Variants in FARP2 observed in about 807,000 individuals in gnomAD.
FARP2 encodes FERM, ARHGEF and pleckstrin domain-containing protein 2.
FARP2 carries 111 observed loss-of-function variants against 130.5 expected under a neutral mutation model. The ratio of observed to expected loss-of-function variants is 0.85; its 90% confidence interval spans 0.73 to 1.00. The LOEUF (loss-of-function observed/expected upper bound fraction) is 1.00, where lower values mean the gene tolerates loss of function less well. Among genes scored for constraint, FARP2 ranks in the 50% least tolerant of loss-of-function variants. The pLI is 0.00. For synonymous variants in FARP2, 504 were observed against 516.9 expected, an observed-to-expected ratio of 0.98 and a Z score of 0.34; for missense variants, 1,385 against 1,346.3, an observed-to-expected ratio of 1.03 and a Z score of -0.45.
intron 12 of FARP2, among the ~76,000 whole-genome samples, chr2:241,438,685 A>T (rs2063306973): frequency 7.0e-6 from 1 of 143,738 alleles, no homozygotes; most frequent in Non-Finnish European, 1.5e-5. Flanking sequence ...GCTGGAGTGC[A>T]GTGGCGCGAT....
chr2:241,358,811 G>A, intron 1 of FARP2, among the ~76,000 whole-genome samples: 1 of 152,184 alleles, frequency 6.6e-6, no homozygotes. Flanking sequence ...TTGAAAAGTT[G>A]AGGATCCTAC....
At position 241,417,831 on chromosome 2, in the gene FARP2, A is replaced by C. The variant is rs2062714427; in HGVS notation, c.624-131A>C. ...CTGTTTTTGTAGTGGGTAAACACAGACAGTGAACCATCTGCCCTCTAAACA... is the reference window on the plus strand; with the variant it reads ...CTGTTTTTGTAGTGGGTAAACACAGCCAGTGAACCATCTGCCCTCTAAACA... On this transcript the variant is annotated intron_variant, in intron 7 of 26. Transcript: ENST00000264042. The C allele has an allele frequency of 7.3e-6, 7 of 954,778 alleles. No individual in the cohort carries two copies. In the East Asian group the frequency reaches 1.8e-4, roughly 24 times the overall value. 59.1% of individuals were successfully genotyped at this position (954,778 alleles called of 1,614,324 possible).
At chr2:241,361,160 TC>T (rs780773689) in intron 1 of FARP2, among the ~76,000 whole-genome samples, 29 of 152,156 alleles carry the variant, frequency 1.9e-4, no homozygotes, top group Non-Finnish European at 4.0e-4. Flanking sequence ...AGCAACTGGC[TC>T]CCTCCATTTC....
At chr2:241,442,730 G>A in intron 13 of FARP2, 1 of 337,872 alleles carries the variant, frequency 3.0e-6, no homozygotes, top group Non-Finnish European at 5.8e-6. Context: ...TAAAAGCTAT[G>A]CCTCCGGTCT....
intron 21 of FARP2, chr2:241,489,639 C>T (rs1341505354): frequency 1.6e-5 from 3 of 190,566 alleles, no homozygotes; most frequent in Non-Finnish European, 3.2e-5. Flanking sequence ...GTCTTTGGTT[C>T]ATAAATGAAT....
chr2:241,384,486 C>T (rs2061738705), intron 2 of FARP2, among the ~76,000 whole-genome samples: 2 of 152,062 alleles, frequency 1.3e-5, no homozygotes, highest in African/African-American at 4.8e-5. Flanking sequence ...GATGAGAATC[C>T]GTTGCATCCT....
chr2:241,394,474 C>T (rs11690426), intron 2 of FARP2, among the ~76,000 whole-genome samples: 1 of 149,652 alleles, frequency 6.7e-6, no homozygotes, highest in Non-Finnish European at 1.5e-5. Flanking sequence ...GCCGAGATCG[C>T]GCCACTGCAC....
At chr2:241,406,171 G>C (rs2062338592) in intron 4 of FARP2, among the ~76,000 whole-genome samples, 1 of 151,192 alleles carries the variant, frequency 6.6e-6, no homozygotes, top group Non-Finnish European at 1.5e-5. Flanking sequence ...GTAGGGGCAT[G>C]GTGGGGGGCG....
chr2:241,449,287 C>T (rs1201968081), intron 13 of FARP2, among the ~76,000 whole-genome samples: 3 of 151,542 alleles, frequency 2.0e-5, no homozygotes, highest in Non-Finnish European at 2.9e-5. Flanking sequence ...ATAGCGAGAC[C>T]CGGTTCTCCA....
At position 241,463,375 on chromosome 2, in the gene FARP2, C is replaced by A. The variant is rs570188607; in HGVS notation, c.1718C>A (p.Ala573Glu). 5 of 1,614,090 alleles carry A rather than the reference C, an allele frequency of 3.1e-6. No individual in the cohort carries two copies. Among genetic ancestry groups the A allele is most frequent in the African/African-American group, 1.3e-5 (1 of 75,050 alleles). ...SAVVKEDAMP[A>E]TLMTLLFSNI... Reference sequence around the variant, plus strand: ...GTGGTGAAGGAGGACGCCATGCCTGCGACTCTGATGACGCTGCTCTTCTCC... The same window carrying A: ...GTGGTGAAGGAGGACGCCATGCCTGAGACTCTGATGACGCTGCTCTTCTCC... Residue 573 changes from alanine (A) to glutamate (E), a missense_variant, in exon 16 of 27, where the codon GCG (alanine) becomes GAG (glutamate). Transcript: ENST00000264042.
chr2:241,368,409 G>A lies in FARP2; in HGVS notation c.-24-4675G>A, dbSNP rs115771422. On this transcript the variant is annotated intron_variant, in intron 1 of 26. Coordinates refer to ENST00000264042, the MANE Select transcript of FARP2 (RefSeq NM_014808.4). The stretch of plus-strand genomic sequence containing the variant: ...GGTTCCTGGGACCACAGAACATGGT[G>A]CGCCAAGGACTGTTCATGGCCTTGC... Among the ~76,000 whole-genome samples, 1,401 of 152,222 alleles carry A rather than the reference G, an allele frequency of 9.2e-3. 32 individuals are homozygous for A. The highest frequency in any genetic ancestry group is 7.9e-3 in the Non-Finnish European group (540 of 68,034).
At chr2:241,362,858 G>A (rs2061220638) in intron 1 of FARP2, among the ~76,000 whole-genome samples, 1 of 152,090 alleles carries the variant, frequency 6.6e-6, no homozygotes, top group South Asian at 2.1e-4. Context: ...TAGGAAGAAG[G>A]AAATAAAAAT....
chr2:241,479,531 G>C (rs1232982543), intron 19 of FARP2, among the ~76,000 whole-genome samples: 1 of 152,218 alleles, frequency 6.6e-6, no homozygotes, highest in Non-Finnish European at 1.5e-5. Context: ...CCGTTTCAAG[G>C]CCAGGCCTCT....
chr2:241,422,194 T>C (rs1199790532), intron 8 of FARP2, among the ~76,000 whole-genome samples: 1 of 135,244 alleles, frequency 7.4e-6, no homozygotes, highest in Non-Finnish European at 1.5e-5. Flanking sequence ...AACAAGCAGA[T>C]CACCTAAGGT....
intron 2 of FARP2, among the ~76,000 whole-genome samples, chr2:241,399,752 T>C (rs1316144956): frequency 6.6e-6 from 1 of 152,138 alleles, no homozygotes; most frequent in Non-Finnish European, 1.5e-5. Flanking sequence ...AGCTAGTGTT[T>C]TTTGTGTCCT....
intron 21 of FARP2, among the ~76,000 whole-genome samples, chr2:241,486,262 A>G (rs1225896534): frequency 2.7e-5 from 4 of 149,062 alleles, no homozygotes; most frequent in Non-Finnish European, 4.5e-5. Context: ...CCTGGGGAAC[A>G]TGGCGAAGCC....
At chr2:241,364,866 G>A (rs2061269315) in intron 1 of FARP2, among the ~76,000 whole-genome samples, 2 of 152,058 alleles carry the variant, frequency 1.3e-5, no homozygotes, top group Non-Finnish European at 1.5e-5. Flanking sequence ...CTCTAGTAAT[G>A]AACTGTAGAA....
Position 241,463,921 on chromosome 2 carries a change from A to G in FARP2, c.1834A>G (p.Thr612Ala). 1 of 1,614,090 alleles carries G rather than the reference A, an allele frequency of 6.2e-7. No individual in the cohort carries two copies. The highest frequency in any genetic ancestry group is 8.5e-7 in the Non-Finnish European group (1 of 1,179,978). The change falls in exon 17 of 27, where the codon ACA (threonine) becomes GCA (alanine). Residue 612 changes from threonine (T) to alanine (A), a missense_variant. Thr to Ala is a moderately conservative substitution (Grantham distance 58). Coordinates refer to ENST00000264042, the MANE Select transcript of FARP2 (RefSeq NM_014808.4). ...ALWEGPSKAH[T>A]KGSHQRIGDI... ...CAGGGAAGGGCCCTCCAAAGCCCAC[A>G]CAAAAGGCAGTCATCAACGAATCGG... is the stretch of plus-strand genomic sequence containing the variant.
intron 17 of FARP2, 36 bp downstream of exon 17, chr2:241,464,016 T>C: frequency 1.3e-6 from 2 of 1,559,800 alleles, no homozygotes; most frequent in Non-Finnish European, 1.8e-6. Context: ...ACATGAATGC[T>C]GTTTATGGGA....
Sources: allele counts gnomAD v4.1 joint callset (sites outside exome capture counted in the v4.1 genomes callset), GRCh38; gene constraint gnomAD v4.1.1; transcripts MANE v1.5; gene names NCBI Gene and HGNC (gene_info 2026-07-23, HGNC 2026-07-21).